MTCH2: variants seen among roughly 807,000 people sequenced by gnomAD.
MTCH2 encodes mitochondrial carrier homolog 2.
MTCH2 carries 25 observed loss-of-function variants against 50.6 expected under a neutral mutation model. The ratio of observed to expected loss-of-function variants is 0.49; its 90% CI spans 0.36 to 0.69. The LOEUF (loss-of-function observed/expected upper bound fraction) is 0.69. Among genes scored for constraint, MTCH2 ranks in the 30% least tolerant of loss-of-function variants. The probability of loss-of-function intolerance (pLI) is 0.00; values close to 1 mark genes in which losing one functional copy is unlikely to be tolerated. For missense variants in MTCH2, 273 were observed against 384.4 expected (o/e 0.71, Z 2.42); for synonymous variants, 106 against 132.0 (o/e 0.80, Z 1.35).
At chr11:47,608,604 G>A in the MTCH2 span, among the ~76,000 whole-genome samples, 12 of 152,156 alleles carry the variant, frequency 7.9e-5, no homozygotes, top group African/African-American at 2.9e-4. Context: ...GTACAGAGCA[G>A]AGGCTGTTGG....
downstream of MTCH2, among the ~76,000 whole-genome samples, chr11:47,614,552 C>T (rs755291495): frequency 1.3e-5 from 2 of 152,084 alleles, no homozygotes; most frequent in African/African-American, 2.4e-5. Flanking sequence ...CTGCAACCTC[C>T]GCCTCCCACG....
the MTCH2 span, among the ~76,000 whole-genome samples, chr11:47,609,626 CAAAAAAAAAAAA>C: frequency 5.7e-5 from 5 of 88,164 alleles, no homozygotes; most frequent in East Asian, 3.6e-4. Context: ...GACTCTGTCT[CAAAAAAAAAAAA>C]AAAAAAAAAA....
chr11:47,642,261 G>A (rs1485357287), intron 1 of MTCH2, 118 bp downstream of exon 1: 2 of 855,750 alleles, frequency 2.3e-6, no homozygotes, highest in East Asian at 6.4e-5. Flanking sequence ...GGCAGCGGAG[G>A]AGCAGCAGCA....
intron 10 of MTCH2, among the ~76,000 whole-genome samples, chr11:47,626,443 G>C (rs1477395258): frequency 6.6e-6 from 1 of 151,600 alleles, no homozygotes; most frequent in African/African-American, 2.4e-5. Context: ...CGAAGTGCTG[G>C]GTTTACAGGT....
At chr11:47,604,930 G>GT in the MTCH2 span, among the ~76,000 whole-genome samples, 1,248 of 150,642 alleles carry the variant, frequency 8.3e-3, 15 homozygotes, top group South Asian at 0.041. Context: ...TTTCTTTTTT[G>GT]TTTTTTTTGT....
At chr11:47,634,804 G>A (rs906190527) in intron 4 of MTCH2, 70 bp from the exon 5 acceptor site, 25 of 1,055,288 alleles carry the variant, frequency 2.4e-5, no homozygotes, top group Admixed American at 5.3e-5. Context: ...ACAGAGTCTC[G>A]CTCTGTCGCC....
intron 12 of MTCH2, among the ~76,000 whole-genome samples, chr11:47,621,030 TGTTA>T (rs1291221517): frequency 1.3e-5 from 2 of 152,072 alleles, no homozygotes; most frequent in African/African-American, 4.8e-5. Context: ...TATAACAGAG[TGTTA>T]GTCAGAAAAG....
At position 47,627,123 on chromosome 11, in the gene MTCH2, G is replaced by C; in HGVS notation, c.638C>G (p.Ser213Cys). Residue 213 changes from serine to cysteine, a missense_variant, in exon 10 of 13, where the codon TCT (serine) becomes TGT (cysteine). Ser to Cys is a moderately radical substitution (Grantham distance 112). Coordinates refer to ENST00000302503, the MANE Select transcript of MTCH2 (RefSeq NM_014342.4). ...VNTYALDSGV[S>C]TMNEMKSYSQ... ...ATAACTCTTCATTTCATTCATGGTA[G>C]AAACCTAAAATAGGAAAAGAGCCTT... 1 of 1,596,302 alleles carries C rather than the reference G, an allele frequency of 6.3e-7. No individual in the cohort carries two copies.
intron 4 of MTCH2, 151 bp downstream of exon 4, chr11:47,635,394 G>T: frequency 1.3e-6 from 1 of 792,498 alleles, no homozygotes. Context: ...GTTTCAAACA[G>T]AACTGTCCAA....
chr11:47,640,820 G>T (rs1404256079), intron 1 of MTCH2, among the ~76,000 whole-genome samples: 1 of 150,556 alleles, frequency 6.6e-6, no homozygotes, highest in Non-Finnish European at 1.5e-5. Context: ...AATATTCAAA[G>T]TTTTTGGGGC....
intron 10 of MTCH2, among the ~76,000 whole-genome samples, chr11:47,626,712 C>T (rs1000149005): frequency 1.3e-5 from 2 of 151,184 alleles, no homozygotes; most frequent in African/African-American, 4.9e-5. Flanking sequence ...TCCCAGGTTC[C>T]AGTGATTCTC....
At chr11:47,631,898 C>T (rs927573614) in intron 5 of MTCH2, among the ~76,000 whole-genome samples, 187 bp from the exon 6 acceptor site, 3 of 152,144 alleles carry the variant, frequency 2.0e-5, no homozygotes, top group Non-Finnish European at 4.4e-5. Context: ...TTTTATCATA[C>T]TTTTCACTCA....
Position 47,635,558 on chromosome 11 carries a change from C to T in MTCH2, c.293G>A (p.Ser98Asn), listed in dbSNP as rs1465668623. ...HGKVLQHYQE[S>N]DKGEELGPGN... ...GCTCCAACATACCTCACCCTTGTCA[C>T]TCTCCTGGTAATGCTATAGAAAAAA... Residue 98 changes from serine (S) to asparagine (N), a missense_variant, in exon 4 of 13, where the codon AGT (serine) becomes AAT (asparagine). Transcript: ENST00000302503. The T allele has an allele frequency of 6.2e-7, 1 of 1,613,544 alleles. No homozygotes were observed. The highest frequency in any genetic ancestry group is 8.5e-7 in the Non-Finnish European group (1 of 1,179,558).
chr11:47,638,612 C>A, intron 3 of MTCH2, 87 bp downstream of exon 3: 134 of 703,918 alleles, frequency 1.9e-4, no homozygotes, highest in Middle Eastern at 3.9e-4. Context: ...ATAAATGTAT[C>A]TTTTAAATTG....
chr11:47,606,515 T>C, the MTCH2 span, among the ~76,000 whole-genome samples: 2 of 152,256 alleles, frequency 1.3e-5, no homozygotes, highest in East Asian at 3.8e-4. Context: ...CTGGTTTCTT[T>C]GGCTCTCCTT....
the MTCH2 span, among the ~76,000 whole-genome samples, chr11:47,605,763 ACAAT>A: frequency 9.2e-5 from 14 of 152,308 alleles, no homozygotes; most frequent in African/African-American, 3.1e-4. Flanking sequence ...CAATCGTGAG[ACAAT>A]CAATGTCTAA....
intron 10 of MTCH2, among the ~76,000 whole-genome samples, 168 bp downstream of exon 10, chr11:47,626,912 C>T (rs1565966685): frequency 1.3e-5 from 2 of 152,084 alleles, no homozygotes; most frequent in Non-Finnish European, 1.5e-5. Flanking sequence ...GGCGCCTGGC[C>T]GAAAACTGAG....
chr11:47,611,851 A>C, the MTCH2 span, among the ~76,000 whole-genome samples: 1 of 152,228 alleles, frequency 6.6e-6, no homozygotes, highest in African/African-American at 2.4e-5. Flanking sequence ...AAATCTGCTT[A>C]GTTCCAGACA....
chr11:47,628,668 G>A (rs2097300248), intron 9 of MTCH2, among the ~76,000 whole-genome samples: 1 of 152,112 alleles, frequency 6.6e-6, no homozygotes, highest in African/African-American at 2.4e-5. Context: ...TCCGCCTCCT[G>A]GGTTCAAGCA....
Sources: allele counts gnomAD v4.1 joint callset (sites outside exome capture counted in the v4.1 genomes callset), GRCh38; gene constraint gnomAD v4.1.1; transcripts MANE v1.5; gene names NCBI Gene and HGNC (gene_info 2026-07-23, HGNC 2026-07-21).